The following COL24A1 variants were observed in gnomAD, a reference collection of about 807,000 sequenced individuals.
COL24A1 encodes collagen alpha-1(XXIV) chain.
Under a neutral mutation model 253.9 loss-of-function variants are expected in COL24A1, and 224 were observed. The observed-to-expected ratio is 0.88, with a 90% CI of 0.79 to 0.99. The LOEUF is 0.99. Ranked by LOEUF, COL24A1 falls within the 50% of genes least tolerant of loss-of-function variation. COL24A1 has a pLI of 0.00. For missense variants in COL24A1, 2,131 were observed against 2,068.5 expected, an observed-to-expected ratio of 1.03 and a Z score of -0.59; for synonymous variants, 685 against 673.7, an observed-to-expected ratio of 1.02 and a Z score of -0.26.
At chr1:85,984,294 C>T (rs1469721363) in intron 20 of COL24A1, among the ~76,000 whole-genome samples, 2 of 151,806 alleles carry the variant, frequency 1.3e-5, no homozygotes, top group Non-Finnish European at 3.0e-5. Flanking sequence ...ATTACTTCCA[C>T]CTGAAGTACA....
intron 5 of COL24A1, among the ~76,000 whole-genome samples, chr1:86,093,215 G>A (rs12082787): frequency 0.046 from 7,021 of 152,016 alleles, 182 homozygotes; most frequent in Non-Finnish European, 0.061. Context: ...AAAGTCCTGC[G>A]TGTCCCCCAG....
At chr1:86,109,182 C>T (rs931229410) in intron 5 of COL24A1, among the ~76,000 whole-genome samples, 10 of 152,274 alleles carry the variant, frequency 6.6e-5, no homozygotes, top group African/African-American at 2.4e-4. Flanking sequence ...TATGAAACCA[C>T]AAACTCAAAA....
At chr1:85,880,937 T>G (rs1681765739) in intron 32 of COL24A1, among the ~76,000 whole-genome samples, 1 of 152,212 alleles carries the variant, frequency 6.6e-6, no homozygotes, top group Non-Finnish European at 1.5e-5. Flanking sequence ...AATATTTTGT[T>G]GAGGATTTTA....
In COL24A1 at chr1:85,868,614, C is replaced by T; in HGVS notation, c.3205G>A (p.Gly1069Arg). ...GKDGLKGVPG[G>R]RGLPGEDGEK... Reference sequence around the variant, plus strand: ...CCATCCTCTCCAGGAAGTCCCCTTCCTCCTGGTACTCCCTGTAATGCAATA... The same window carrying T: ...CCATCCTCTCCAGGAAGTCCCCTTCTTCCTGGTACTCCCTGTAATGCAATA... Residue 1069 changes from glycine (G) to arginine (R), a missense_variant, in exon 37 of 60, where the codon GGA (glycine) becomes AGA (arginine). Physicochemically the swap from Gly to Arg is moderately radical, Grantham distance 125. Coordinates refer to ENST00000370571, the MANE Select transcript of COL24A1 (RefSeq NM_152890.7). The T allele has an allele frequency of 1.2e-6, 2 of 1,613,326 alleles. No individual in the cohort carries two copies. Among genetic ancestry groups the T allele is most frequent in the South Asian group, 1.1e-5 (1 of 91,058 alleles).
chr1:86,142,040 T>C (rs1361727777), intron 2 of COL24A1, among the ~76,000 whole-genome samples: 2 of 152,048 alleles, frequency 1.3e-5, no homozygotes, highest in East Asian at 1.9e-4. Flanking sequence ...TGCATACTTA[T>C]AAACAACTTC....
At chr1:86,088,827 A>C (rs149573685) in intron 7 of COL24A1, among the ~76,000 whole-genome samples, 46 of 151,966 alleles carry the variant, frequency 3.0e-4, no homozygotes, top group African/African-American at 1.1e-3. Context: ...TCATTTCCCT[A>C]ATATAGTTTT....
intron 20 of COL24A1, among the ~76,000 whole-genome samples, chr1:85,982,926 T>C (rs911365958): frequency 7.2e-5 from 11 of 152,036 alleles, no homozygotes; most frequent in Non-Finnish European, 1.3e-4. Flanking sequence ...ATATAGAATG[T>C]AAATCTTCAG....
chr1:85,981,423 T>C (rs1435568901), intron 20 of COL24A1, among the ~76,000 whole-genome samples: 3 of 152,154 alleles, frequency 2.0e-5, no homozygotes, highest in Non-Finnish European at 4.4e-5. Context: ...CAAATGATGC[T>C]GGGATAACTG....
chr1:85,933,645 C>A (rs1289368711), intron 24 of COL24A1, among the ~76,000 whole-genome samples: 4 of 152,114 alleles, frequency 2.6e-5, no homozygotes, highest in Non-Finnish European at 5.9e-5. Context: ...TTCCATGAAA[C>A]TTCAAGTATC....
chr1:85,771,890 C>A (rs2101334172), intron 53 of COL24A1, among the ~76,000 whole-genome samples: 1 of 149,124 alleles, frequency 6.7e-6, no homozygotes, highest in South Asian at 2.2e-4. Flanking sequence ...TGCTGGTGCG[C>A]TGCACCCACT....
intron 28 of COL24A1, among the ~76,000 whole-genome samples, chr1:85,901,820 G>A (rs1482268690): frequency 2.9e-4 from 4 of 13,764 alleles, no homozygotes; most frequent in Non-Finnish European, 4.9e-4. Flanking sequence ...ATGAGACTCC[G>A]TCTCAAAAAA....
At chr1:85,797,205 C>CT (rs1446835829) in intron 47 of COL24A1, among the ~76,000 whole-genome samples, 1 of 83,804 alleles carries the variant, frequency 1.2e-5, no homozygotes, top group Non-Finnish European at 2.2e-5. Context: ...GAGACTCCGT[C>CT]TCAAAAAAAA....
At chr1:86,046,929 T>G (rs929392768) in intron 11 of COL24A1, 60 bp from the exon 12 acceptor site, 1 of 940,662 alleles carries the variant, frequency 1.1e-6, no homozygotes, top group African/African-American at 1.6e-5. Context: ...GTACTATAGA[T>G]CTTTTTCTCC....
At chr1:85,996,959 T>C (rs1426267339) in intron 19 of COL24A1, among the ~76,000 whole-genome samples, 3 of 151,578 alleles carry the variant, frequency 2.0e-5, no homozygotes, top group Non-Finnish European at 4.4e-5. Context: ...GGTCACTCTA[T>C]GTTGTTTCAC....
At chr1:85,783,621 C>A (rs1234854280) in intron 50 of COL24A1, 63 bp from the exon 51 acceptor site, 21 of 1,360,842 alleles carry the variant, frequency 1.5e-5, no homozygotes, top group Non-Finnish European at 2.2e-5. Context: ...TTTTACAAAA[C>A]TATATAAATC....
intron 29 of COL24A1, 77 bp from the exon 30 acceptor site, chr1:85,896,142 C>T: frequency 1.4e-6 from 2 of 1,399,808 alleles, no homozygotes; most frequent in Admixed American, 2.1e-5. Context: ...TGCTAGCATA[C>T]ACTCACATAC....
At chr1:85,992,220 G>C (rs1386498972) in intron 19 of COL24A1, among the ~76,000 whole-genome samples, 2 of 151,966 alleles carry the variant, frequency 1.3e-5, no homozygotes, top group Non-Finnish European at 2.9e-5. Context: ...ATGGTTTCCA[G>C]CTTCATCCAT....
intron 1 of COL24A1, among the ~76,000 whole-genome samples, chr1:86,151,302 C>G (rs901229363): frequency 6.6e-6 from 1 of 152,110 alleles, no homozygotes; most frequent in Admixed American, 6.5e-5. Flanking sequence ...ATATTCAAAA[C>G]ATGTTTGTTT....
chr1:86,129,611 T>G (rs1262065484), intron 2 of COL24A1, among the ~76,000 whole-genome samples: 1 of 151,788 alleles, frequency 6.6e-6, no homozygotes, highest in Non-Finnish European at 1.5e-5. Context: ...TCATTTTTGT[T>G]GTTTTCTGGA....
Sources: allele counts gnomAD v4.1 joint callset (sites outside exome capture counted in the v4.1 genomes callset), GRCh38; gene constraint gnomAD v4.1.1; transcripts MANE v1.5; gene names NCBI Gene and HGNC (gene_info 2026-07-23, HGNC 2026-07-21).